RB1: variants seen among roughly 807,000 people sequenced by gnomAD.
RB1 encodes the protein retinoblastoma-associated protein.
Under a neutral mutation model 135.4 loss-of-function variants are expected in RB1, and 18 were observed. The ratio of observed to expected loss-of-function variants is 0.13; its 90% CI spans 0.09 to 0.20. RB1 has a LOEUF of 0.20. Ranked by LOEUF, RB1 falls within the 10% of genes least tolerant of loss-of-function variation. RB1 has a pLI of 1.00. For missense variants in RB1, 868 were observed against 1,110.0 expected (o/e 0.78, Z 3.10); for synonymous variants, 365 against 373.2 (o/e 0.98, Z 0.25).
At chr13:48,369,104 C>T (rs1351846528) in intron 11 of RB1, among the ~76,000 whole-genome samples, 1 of 152,016 alleles carries the variant, frequency 6.6e-6, no homozygotes, top group Non-Finnish European at 1.5e-5. Context: ...TCTTAAAGAA[C>T]ATAACCTAAA....
Position 48,476,961 on chromosome 13 carries a change from G to C in RB1, c.2663+118G>C, listed in dbSNP as rs1420015349. ...TTCATGCCAAGTTTATTTGGAAGTT[G>C]TGAGAATGGCTCAAAATAATAGATA... is the stretch of plus-strand genomic sequence containing the variant. On this transcript the variant is annotated intron_variant, in intron 25 of 26. Coordinates refer to ENST00000267163, the MANE Select transcript of RB1 (RefSeq NM_000321.3). 14 of 1,334,652 alleles carry C rather than the reference G, an allele frequency of 1.0e-5. No individual in the cohort carries two copies. In the Admixed American group the frequency reaches 2.4e-4, roughly 23 times the overall value. The allele number at this position is 1,334,652 out of a possible 1,614,324, so 82.7% of individuals were successfully genotyped here.
intron 17 of RB1, chr13:48,444,823 A>T (rs576075875): frequency 6.6e-6 from 1 of 152,350 alleles, no homozygotes; most frequent in East Asian, 1.9e-4. Context: ...GATGGGGGAA[A>T]AATTAGAGTC....
chr13:48,348,607 T>G (rs1243324509), intron 5 of RB1, among the ~76,000 whole-genome samples: 1 of 151,634 alleles, frequency 6.6e-6, no homozygotes, highest in African/African-American at 2.4e-5. Context: ...TTATATATTT[T>G]TATATTAGAA....
intron 2 of RB1, chr13:48,317,333 C>T (rs1224279991): frequency 1.0e-5 from 4 of 390,166 alleles, no homozygotes; most frequent in Non-Finnish European, 1.8e-5. Context: ...TTGTCTTTCC[C>T]GCTCCCGACG....
At chr13:48,436,575 G>A (rs1310540746) in intron 17 of RB1, among the ~76,000 whole-genome samples, 10 of 151,904 alleles carry the variant, frequency 6.6e-5, no homozygotes, top group East Asian at 3.9e-4. Flanking sequence ...CCCGGGAGAC[G>A]GAGGTTGCAG....
At chr13:48,348,680 AT>A (rs58957756) in intron 5 of RB1, among the ~76,000 whole-genome samples, 76 of 145,806 alleles carry the variant, frequency 5.2e-4, no homozygotes, top group Non-Finnish European at 4.9e-4. Context: ...TTTTTTCTTA[AT>A]TTTTTTTTTT....
At chr13:48,381,938 A>G (rs1340914371) in intron 17 of RB1, among the ~76,000 whole-genome samples, 1 of 152,174 alleles carries the variant, frequency 6.6e-6, no homozygotes, top group African/African-American at 2.4e-5. Flanking sequence ...GAGTGAGAAC[A>G]TGCAGTGTTT....
rs758343092 is a variant in RB1, at chr13:48,465,387, G to T, written c.2489+19G>T. The T allele has an allele frequency of 2.2e-5, 35 of 1,568,654 alleles. 1 individual carries two copies. The South Asian group carries it at 3.9e-4, about 17-fold the overall frequency. ...GATCAAGGTGTGTGTTTTCTCTTTA[G>T]GGAAGTAGTAAAGAATGAGAGGGGG... On this transcript the variant is annotated intron_variant, in intron 23 of 26. Coordinates refer to ENST00000267163, the MANE Select transcript of RB1 (RefSeq NM_000321.3).
At chr13:48,358,896 T>C (rs908364838) in intron 6 of RB1, among the ~76,000 whole-genome samples, 14 of 152,152 alleles carry the variant, frequency 9.2e-5, no homozygotes, top group Admixed American at 7.9e-4. Context: ...ATCCTTGATA[T>C]CGTTCTTTAC....
At chr13:48,393,731 A>C (rs968315308) in intron 17 of RB1, among the ~76,000 whole-genome samples, 1 of 152,216 alleles carries the variant, frequency 6.6e-6, no homozygotes, top group Non-Finnish European at 1.5e-5. Flanking sequence ...GGTGCTTACT[A>C]TATGGAGAAC....
chr13:48,457,957 C>T (rs1949371503), intron 19 of RB1, among the ~76,000 whole-genome samples: 1 of 152,110 alleles, frequency 6.6e-6, no homozygotes, highest in Non-Finnish European at 1.5e-5. Context: ...TCCACAGCCA[C>T]GGTTTGGGTA....
At chr13:48,395,019 A>G (rs1488995627) in intron 17 of RB1, among the ~76,000 whole-genome samples, 1 of 152,110 alleles carries the variant, frequency 6.6e-6, no homozygotes, top group Non-Finnish European at 1.5e-5. Context: ...TCTGGTGGGT[A>G]CCCCTCTGGG....
At chr13:48,409,498 C>G (rs1389834797) in intron 17 of RB1, among the ~76,000 whole-genome samples, 1 of 149,664 alleles carries the variant, frequency 6.7e-6, no homozygotes, top group African/African-American at 2.5e-5. Flanking sequence ...AGGTTGGATG[C>G]TGAATTTAAT....
intron 2 of RB1, among the ~76,000 whole-genome samples, chr13:48,314,415 G>T (rs1011623193): frequency 3.9e-5 from 6 of 152,066 alleles, no homozygotes; most frequent in African/African-American, 1.4e-4. Flanking sequence ...TTTATTCTTG[G>T]TGATATTATT....
At chr13:48,342,323 TTGAC>T (rs992176353) in intron 2 of RB1, among the ~76,000 whole-genome samples, 2 of 151,948 alleles carry the variant, frequency 1.3e-5, no homozygotes, top group African/African-American at 4.8e-5. Flanking sequence ...TTTTGAGGAA[TTGAC>T]TGACCCCTAA....
At chr13:48,457,041 C>A (rs182605996) in intron 19 of RB1, among the ~76,000 whole-genome samples, 1 of 152,294 alleles carries the variant, frequency 6.6e-6, no homozygotes, top group Admixed American at 6.5e-5. Flanking sequence ...GTGTTACAGC[C>A]CTTTCAGCCT....
At chr13:48,316,616 A>C (rs894166926) in intron 2 of RB1, among the ~76,000 whole-genome samples, 5 of 152,142 alleles carry the variant, frequency 3.3e-5, no homozygotes, top group African/African-American at 1.2e-4. Flanking sequence ...CATATTTACC[A>C]GGACACATCT....
rs1462266862 is a variant in RB1 at position 48,313,225 on chromosome 13, G to A, written c.264+5819G>A. ...TTAGCCTAAATTCTGTTTTTAAGAT[G>A]CAGTTAAAGCTTCTCCTTTATGCAT... On this transcript the variant is annotated intron_variant, in intron 2 of 26. Transcript: ENST00000267163. 3.3e-5 allele frequency among the ~76,000 whole-genome samples: 5 copies of A among 151,984 alleles called. No individual in the cohort carries two copies. The East Asian group carries it at 9.7e-4, about 29-fold the overall frequency.
intron 7 of RB1, among the ~76,000 whole-genome samples, chr13:48,361,470 G>A (rs1952639017): frequency 1.3e-5 from 2 of 152,032 alleles, no homozygotes; most frequent in African/African-American, 4.8e-5. Context: ...TCCCCCAGCT[G>A]TATTATTTTG....
Sources: allele counts gnomAD v4.1 joint callset (sites outside exome capture counted in the v4.1 genomes callset), GRCh38; gene constraint gnomAD v4.1.1; transcripts MANE v1.5; gene names NCBI Gene and HGNC (gene_info 2026-07-23, HGNC 2026-07-21).